The following NBAS variants were observed in gnomAD, a reference collection of about 807,000 sequenced individuals.
NBAS encodes NBAS subunit of NRZ tethering complex.
A neutral mutation model predicts 302.5 loss-of-function variants in NBAS; 219 were observed. The observed-to-expected ratio is 0.72, with a 90% confidence interval of 0.65 to 0.81. The LOEUF is 0.81. Among genes scored for constraint, NBAS ranks in the 30% least tolerant of loss-of-function variants. The pLI, the probability that NBAS is intolerant of heterozygous loss-of-function variation, is 0.00. For missense variants in NBAS, 2,932 were observed against 2,841.6 expected (o/e 1.03, Z -0.72); for synonymous variants, 1,118 against 1,021.6 (o/e 1.09, Z -1.80).
At chr2:15,096,876 G>A in the NBAS span, among the ~76,000 whole-genome samples, 1 of 152,210 alleles carries the variant, frequency 6.6e-6, no homozygotes, top group Non-Finnish European at 1.5e-5. Context: ...TTACAGAGGA[G>A]CAAAACAGGG....
chr2:15,309,043 A>G, intron 39 of NBAS, 128 bp downstream of exon 39: 2 of 409,742 alleles, frequency 4.9e-6, no homozygotes, highest in Non-Finnish European at 4.0e-6. Context: ...ATAAATAAAT[A>G]AATAAATAAA....
At chr2:15,160,800 CCAA>C in the NBAS span, among the ~76,000 whole-genome samples, 1 of 152,170 alleles carries the variant, frequency 6.6e-6, no homozygotes, top group Admixed American at 6.5e-5. Context: ...GGAATTTCTA[CCAA>C]CTGGGTGAGG....
At chr2:15,282,353 G>A (rs1669861525) in intron 42 of NBAS, among the ~76,000 whole-genome samples, 1 of 152,078 alleles carries the variant, frequency 6.6e-6, no homozygotes, top group Non-Finnish European at 1.5e-5. Context: ...AAACCTATGT[G>A]AACAATAGTA....
the NBAS span, among the ~76,000 whole-genome samples, chr2:14,998,154 G>A: frequency 6.6e-6 from 1 of 152,302 alleles, no homozygotes; most frequent in South Asian, 2.1e-4. Context: ...GGAAAGAAAA[G>A]AAGTCTTGAG....
chr2:15,357,987 G>C (rs770490199), intron 32 of NBAS, among the ~76,000 whole-genome samples: 1 of 152,098 alleles, frequency 6.6e-6, no homozygotes, highest in Non-Finnish European at 1.5e-5. Context: ...AGAATTCTGG[G>C]AAATGGACTT....
chr2:15,113,782 C>T, the NBAS span, among the ~76,000 whole-genome samples: 1 of 151,560 alleles, frequency 6.6e-6, no homozygotes, highest in African/African-American at 2.4e-5. Flanking sequence ...TTAAAACAAA[C>T]TGCACCTCCA....
At chr2:14,783,826 G>T in the NBAS span, among the ~76,000 whole-genome samples, 1 of 151,852 alleles carries the variant, frequency 6.6e-6, no homozygotes, top group South Asian at 2.1e-4. Context: ...AGTCCTTTGG[G>T]TATATACCCA....
the NBAS span, among the ~76,000 whole-genome samples, chr2:14,981,016 A>G: frequency 6.6e-6 from 1 of 152,168 alleles, no homozygotes; most frequent in South Asian, 2.1e-4. Context: ...TAATTAATTC[A>G]AGACATACAA....
chr2:14,863,810 G>C, the NBAS span, among the ~76,000 whole-genome samples: 3 of 152,168 alleles, frequency 2.0e-5, no homozygotes, highest in African/African-American at 7.2e-5. Context: ...TATTTTTGTA[G>C]ACAAGGAAAC....
At chr2:14,948,217 C>T in the NBAS span, among the ~76,000 whole-genome samples, 1 of 151,994 alleles carries the variant, frequency 6.6e-6, no homozygotes, top group Admixed American at 6.5e-5. Flanking sequence ...ATGCTGGTAT[C>T]TCACCACATG....
intron 28 of NBAS, among the ~76,000 whole-genome samples, chr2:15,388,028 G>T (rs950653960): frequency 6.6e-6 from 1 of 152,092 alleles, no homozygotes; most frequent in Non-Finnish European, 1.5e-5. Flanking sequence ...TTCTATACTT[G>T]TGCAACTCTC....
At chr2:14,788,066 T>C in the NBAS span, among the ~76,000 whole-genome samples, 1 of 152,314 alleles carries the variant, frequency 6.6e-6, no homozygotes, top group Middle Eastern at 3.4e-3. Flanking sequence ...CTTCATTTCA[T>C]TCATTTCATC....
At chr2:15,229,357 A>AAC (rs1158134755) in intron 47 of NBAS, among the ~76,000 whole-genome samples, 3 of 144,034 alleles carry the variant, frequency 2.1e-5, no homozygotes, top group African/African-American at 5.4e-5. Flanking sequence ...CAAAAAAAAA[A>AAC]AAAAAAAAAA....
chr2:15,168,787 G>A (rs965825844), intron 51 of NBAS, among the ~76,000 whole-genome samples: 3 of 152,140 alleles, frequency 2.0e-5, no homozygotes, highest in Non-Finnish European at 4.4e-5. Flanking sequence ...ATGGCACCAC[G>A]CCTGGCTAAT....
At chr2:15,259,380 C>T (rs565066023) in intron 44 of NBAS, among the ~76,000 whole-genome samples, 1 of 152,292 alleles carries the variant, frequency 6.6e-6, no homozygotes, top group South Asian at 2.1e-4. Context: ...AAGGCCATGT[C>T]CCTAGAATGA....
intron 9 of NBAS, among the ~76,000 whole-genome samples, chr2:15,517,772 G>C (rs1662471080): frequency 6.6e-6 from 1 of 152,154 alleles, no homozygotes; most frequent in South Asian, 2.1e-4. Context: ...ACAGTACATA[G>C]AGTATCGTTT....
the NBAS span, among the ~76,000 whole-genome samples, chr2:14,789,790 G>T: frequency 6.6e-6 from 1 of 152,158 alleles, no homozygotes; most frequent in Non-Finnish European, 1.5e-5. Flanking sequence ...ATGACAGACT[G>T]AGCACAATTA....
intron 40 of NBAS, among the ~76,000 whole-genome samples, chr2:15,294,393 TAGAG>T (rs1670453103): frequency 6.6e-6 from 1 of 152,124 alleles, no homozygotes; most frequent in Non-Finnish European, 1.5e-5. Context: ...TAACTGCAAT[TAGAG>T]AGTGATTTGG....
the NBAS span, among the ~76,000 whole-genome samples, chr2:14,890,266 T>A: frequency 6.6e-6 from 1 of 152,178 alleles, no homozygotes; most frequent in Non-Finnish European, 1.5e-5. Flanking sequence ...ACAAAAGAGA[T>A]AATGAAAGAG....
Sources: allele counts gnomAD v4.1 joint callset (sites outside exome capture counted in the v4.1 genomes callset), GRCh38; gene constraint gnomAD v4.1.1; transcripts MANE v1.5; gene names NCBI Gene and HGNC (gene_info 2026-07-23, HGNC 2026-07-21).